Variants in RAD50 observed in about 807,000 individuals in gnomAD.
The protein encoded by RAD50 is DNA repair protein RAD50.
In RAD50, 132 loss-of-function variants were observed where a neutral mutation model predicts 168.8. That is an observed-to-expected ratio of 0.78 (90% confidence interval 0.68 to 0.90). The LOEUF (loss-of-function observed/expected upper bound fraction) is 0.90, where lower values mean the gene tolerates loss of function less well. Among genes scored for constraint, RAD50 ranks in the 40% least tolerant of loss-of-function variants. The pLI, the probability that RAD50 is intolerant of heterozygous loss-of-function variation, is 0.00. For missense variants in RAD50, 1,347 were observed against 1,534.4 expected, an observed-to-expected ratio of 0.88 and a Z score of 2.04; for synonymous variants, 525 against 497.4, an observed-to-expected ratio of 1.06 and a Z score of -0.74.
intron 2 of RAD50, among the ~76,000 whole-genome samples, chr5:132,561,665 A>G (rs1284251611): frequency 1.3e-4 from 20 of 152,256 alleles, no homozygotes; most frequent in Non-Finnish European, 1.5e-5. Flanking sequence ...AACTCTAGAC[A>G]TATATGTCTA....
At chr5:132,628,267 A>G (rs1371792349) in intron 21 of RAD50, among the ~76,000 whole-genome samples, 1 of 152,160 alleles carries the variant, frequency 6.6e-6, no homozygotes, top group Non-Finnish European at 1.5e-5. Flanking sequence ...ATGTGGAATG[A>G]GCATAGAGAG....
At chr5:132,595,381 T>C (rs1661678074) in intron 12 of RAD50, 192 bp from the exon 13 acceptor site, 1 of 503,164 alleles carries the variant, frequency 2.0e-6, no homozygotes, top group African/African-American at 2.0e-5. Context: ...AAAATATTTA[T>C]ACAAATCTGA....
chr5:132,589,957 C>T, intron 9 of RAD50, 120 bp downstream of exon 9: 1 of 942,294 alleles, frequency 1.1e-6, no homozygotes, highest in African/African-American at 1.7e-5. Context: ...GTCTTATTCT[C>T]ATGTAAAATG....
chr5:132,594,831 TATTTTAAAA>T (rs780290445), intron 11 of RAD50, 29 bp from the exon 12 acceptor site: 1 of 1,562,998 alleles, frequency 6.4e-7, no homozygotes, highest in East Asian at 2.2e-5. Flanking sequence ...TAATTTCTCC[TATTTTAAAA>T]TGAAAATCCA....
chr5:132,579,835 T>G, intron 4 of RAD50, 27 bp from the exon 5 acceptor site: 1 of 1,565,330 alleles, frequency 6.4e-7, no homozygotes, highest in Non-Finnish European at 8.8e-7. Flanking sequence ...TTGCCAGAAA[T>G]TTGATTTTTG....
chr5:132,609,380 A>G lies in RAD50; in HGVS notation c.3020A>G (p.Asp1007Gly). The G allele has an allele frequency of 1.2e-6, 2 of 1,613,804 alleles. No homozygotes were observed. The highest frequency in any genetic ancestry group is 1.7e-6 in the Non-Finnish European group (2 of 1,179,854). Residue 1007 changes from aspartate to glycine, a missense_variant, in exon 19 of 25, where the codon GAT becomes GGT. Asp to Gly is a moderately conservative substitution (Grantham distance 94). This residue lies in a region of RAD50 where 635 missense variants were observed against 739.2 expected (regional missense o/e 0.86). Transcript: ENST00000378823. ...GAAGATATGAGACTCATGAGACAAGATATTGATACACAGAAGGTAGGTCTG... is the reference window on the plus strand; with the variant it reads ...GAAGATATGAGACTCATGAGACAAGGTATTGATACACAGAAGGTAGGTCTG... ...INEDMRLMRQDIDTQKIQERW... is the reference protein window; with the variant it reads ...INEDMRLMRQGIDTQKIQERW...
At chr5:132,563,890 T>A (rs989656805) in intron 2 of RAD50, among the ~76,000 whole-genome samples, 7 of 152,120 alleles carry the variant, frequency 4.6e-5, no homozygotes, top group Admixed American at 4.6e-4. Flanking sequence ...TGTTTAAAAG[T>A]GTGTAGCACC....
intron 9 of RAD50, 130 bp from the exon 10 acceptor site, chr5:132,591,094 C>G: frequency 1.1e-6 from 1 of 931,518 alleles, no homozygotes; most frequent in South Asian, 1.5e-5. Flanking sequence ...ATGTTTTTTT[C>G]TCTTGTTGGA....
At chr5:132,591,768 T>C (rs1750703509) in intron 10 of RAD50, 109 bp from the exon 11 acceptor site, 1 of 792,338 alleles carries the variant, frequency 1.3e-6, no homozygotes, top group African/African-American at 1.8e-5. Flanking sequence ...ATTTTCATAT[T>C]TTTATAGTTT....
At chr5:132,638,904 T>C (rs1403680825) in intron 23 of RAD50, among the ~76,000 whole-genome samples, 1 of 152,216 alleles carries the variant, frequency 6.6e-6, no homozygotes, top group Non-Finnish European at 1.5e-5. Flanking sequence ...AACAAAGATG[T>C]CACAGATACT....
At chr5:132,619,909 T>C (rs1321832133) in intron 21 of RAD50, among the ~76,000 whole-genome samples, 3 of 137,644 alleles carry the variant, frequency 2.2e-5, no homozygotes, top group Non-Finnish European at 4.5e-5. Context: ...GAGAGATATA[T>C]CTTTTTTTTT....
At chr5:132,582,848 C>G (rs1217838215) in intron 5 of RAD50, among the ~76,000 whole-genome samples, 4 of 152,066 alleles carry the variant, frequency 2.6e-5, no homozygotes, top group Non-Finnish European at 5.9e-5. Flanking sequence ...GGTGTGTACT[C>G]TGGGGATAGA....
chr5:132,608,159 T>G (rs1005403294), intron 16 of RAD50, among the ~76,000 whole-genome samples: 1 of 152,252 alleles, frequency 6.6e-6, no homozygotes, highest in Admixed American at 6.5e-5. Flanking sequence ...TGTTTTCATC[T>G]GAAAAAGAAA....
At chr5:132,615,640 A>C (rs1341111086) in intron 19 of RAD50, among the ~76,000 whole-genome samples, 1 of 152,186 alleles carries the variant, frequency 6.6e-6, no homozygotes, top group Non-Finnish European at 1.5e-5. Flanking sequence ...TTTTAATTTC[A>C]CCATTTAAAA....
chr5:132,617,993 A>G (rs1045504423), intron 20 of RAD50, 77 bp from the exon 21 acceptor site: 6 of 1,184,344 alleles, frequency 5.1e-6, no homozygotes, highest in African/African-American at 4.5e-5. Context: ...ACCTATCTAA[A>G]GAAATCTATG....
At chr5:132,565,690 C>G (rs141834209) in intron 2 of RAD50, among the ~76,000 whole-genome samples, 9 of 152,078 alleles carry the variant, frequency 5.9e-5, no homozygotes, top group African/African-American at 2.2e-4. Context: ...GCAAGAATGC[C>G]GTCTCTACTC....
At chr5:132,639,825 A>C (rs1346153208) in intron 23 of RAD50, among the ~76,000 whole-genome samples, 1 of 152,188 alleles carries the variant, frequency 6.6e-6, no homozygotes, top group African/African-American at 2.4e-5. Context: ...CCTGTCCCTC[A>C]CAGGGCCAAG....
chr5:132,618,586 C>G (rs1018845956), intron 21 of RAD50, among the ~76,000 whole-genome samples: 2 of 152,132 alleles, frequency 1.3e-5, no homozygotes, highest in African/African-American at 4.8e-5. Flanking sequence ...CCATGTAGGT[C>G]AGGCTGGTCT....
chr5:132,638,253 C>G lies in RAD50; in HGVS notation c.3618+30C>G, dbSNP rs746615388. The G allele has an allele frequency of 1.9e-6, 3 of 1,613,292 alleles. No homozygotes were observed. In the Admixed American group the frequency reaches 5.0e-5, roughly 27 times the overall value. The stretch of plus-strand genomic sequence containing the variant: ...GTATCTCAAAAGCCTGGGGAGCCAA[C>G]TCACCCAAGTAACTGAAAGAGAGAA... On this transcript the variant is annotated intron_variant, in intron 23 of 24. Coordinates refer to ENST00000378823, the MANE Select transcript of RAD50 (RefSeq NM_005732.4).
Sources: allele counts gnomAD v4.1 joint callset (sites outside exome capture counted in the v4.1 genomes callset), GRCh38; gene constraint gnomAD v4.1.1; regional missense constraint gnomAD v4.1.1; transcripts MANE v1.5; gene names NCBI Gene and HGNC (gene_info 2026-07-23, HGNC 2026-07-21).